Variants in ARMH3 observed in about 807,000 individuals in gnomAD.
ARMH3 encodes armadillo like helical domain containing 3, also known as armadillo-like helical domain-containing protein 3.
A neutral mutation model predicts 99.1 loss-of-function variants in ARMH3; 60 were observed. That is an observed-to-expected ratio of 0.61 (90% CI 0.49 to 0.75). The LOEUF is 0.75. ARMH3 is among the 30% of genes least tolerant of loss of function. The pLI, the probability that ARMH3 is intolerant of heterozygous loss-of-function variation, is 0.00. For missense variants in ARMH3, 679 were observed against 843.1 expected, an observed-to-expected ratio of 0.81 and a Z score of 2.41; for synonymous variants, 285 against 292.8, an observed-to-expected ratio of 0.97 and a Z score of 0.27.
At chr10:101,981,038 A>G (rs1456150312) in intron 19 of ARMH3, among the ~76,000 whole-genome samples, 1 of 151,592 alleles carries the variant, frequency 6.6e-6, no homozygotes, top group Non-Finnish European at 1.5e-5. Flanking sequence ...AGAGGGGAAC[A>G]ACACACACTA....
At chr10:101,973,354 C>T (rs563754055) in intron 20 of ARMH3, among the ~76,000 whole-genome samples, 3 of 128,992 alleles carry the variant, frequency 2.3e-5, no homozygotes, top group East Asian at 2.3e-4. Flanking sequence ...AGCGAGACTC[C>T]GTCTCAAAAA....
intron 24 of ARMH3, among the ~76,000 whole-genome samples, chr10:101,851,059 C>T (rs1032056333): frequency 3.9e-5 from 6 of 152,150 alleles, no homozygotes; most frequent in African/African-American, 9.7e-5. Context: ...TTATCCAGTG[C>T]CTGGATTGAA....
intron 24 of ARMH3, among the ~76,000 whole-genome samples, chr10:101,875,833 A>C (rs2067246797): frequency 6.6e-6 from 1 of 152,164 alleles, no homozygotes; most frequent in African/African-American, 2.4e-5. Flanking sequence ...ACCCCTTGTG[A>C]AGCTTTTTTC....
At chr10:102,031,435 T>C (rs2067128510) in intron 4 of ARMH3, among the ~76,000 whole-genome samples, 1 of 152,168 alleles carries the variant, frequency 6.6e-6, no homozygotes, top group Non-Finnish European at 1.5e-5. Context: ...TCCACTGAAA[T>C]AAAACAGTCT....
chr10:101,933,875 T>C (rs1843833749), intron 23 of ARMH3, among the ~76,000 whole-genome samples: 1 of 152,198 alleles, frequency 6.6e-6, no homozygotes, highest in Non-Finnish European at 1.5e-5. Context: ...TAGTCCACAT[T>C]TACTTTTCAC....
At chr10:102,005,298 G>C (rs1361305199) in intron 14 of ARMH3, among the ~76,000 whole-genome samples, 1 of 148,736 alleles carries the variant, frequency 6.7e-6, no homozygotes. Context: ...CATGAGAATC[G>C]CCTGAATCTG....
At chr10:102,012,915 A>G in intron 9 of ARMH3, 39 bp from the exon 10 acceptor site, 1 of 1,538,270 alleles carries the variant, frequency 6.5e-7, no homozygotes, top group Non-Finnish European at 8.9e-7. Flanking sequence ...ATAAGACAGT[A>G]GCCTTTGGGA....
chr10:101,853,656 G>A (rs1027975356), intron 24 of ARMH3, among the ~76,000 whole-genome samples: 1 of 152,174 alleles, frequency 6.6e-6, no homozygotes, highest in Admixed American at 6.5e-5. Flanking sequence ...TTCATCGGCC[G>A]TTGGGCTTGT....
intron 1 of ARMH3, among the ~76,000 whole-genome samples, chr10:102,041,053 C>T (rs2067397932): frequency 7.1e-6 from 1 of 141,038 alleles, no homozygotes; most frequent in Admixed American, 7.3e-5. Context: ...TAATATACTA[C>T]TTTCAAATTT....
chr10:102,016,051 C>T (rs1457255945), intron 8 of ARMH3, among the ~76,000 whole-genome samples: 1 of 152,214 alleles, frequency 6.6e-6, no homozygotes, highest in Non-Finnish European at 1.5e-5. Flanking sequence ...GTGAGGATCA[C>T]TTGAGTCCAG....
chr10:101,875,369 C>T (rs1299730300), intron 24 of ARMH3, among the ~76,000 whole-genome samples: 2 of 152,176 alleles, frequency 1.3e-5, no homozygotes, highest in African/African-American at 2.4e-5. Flanking sequence ...GAATCTCTCT[C>T]CAGGGTACAA....
chr10:101,947,399 T>C (rs1033606914), intron 22 of ARMH3, among the ~76,000 whole-genome samples: 5 of 150,574 alleles, frequency 3.3e-5, no homozygotes, highest in African/African-American at 9.8e-5. Context: ...ACTCAGGAGG[T>C]TGAGGCAGGA....
At chr10:101,921,495 G>T (rs1843302939) in intron 23 of ARMH3, among the ~76,000 whole-genome samples, 1 of 152,086 alleles carries the variant, frequency 6.6e-6, no homozygotes, top group Admixed American at 6.5e-5. Context: ...TTTATCCAAA[G>T]AAAAATAAAT....
At chr10:101,890,449 A>T (rs915231258) in intron 23 of ARMH3, among the ~76,000 whole-genome samples, 3 of 152,036 alleles carry the variant, frequency 2.0e-5, no homozygotes, top group African/African-American at 7.2e-5. Flanking sequence ...CGGTTTTGCC[A>T]TGTCGCCCAG....
intron 4 of ARMH3, 170 bp downstream of exon 4, chr10:102,032,856 T>C: frequency 1.5e-6 from 1 of 671,638 alleles, no homozygotes; most frequent in Non-Finnish European, 2.4e-6. Flanking sequence ...TGTCAATTTG[T>C]ATAAATAGAA....
intron 5 of ARMH3, 86 bp from the exon 6 acceptor site, chr10:102,025,334 G>T: frequency 9.7e-7 from 1 of 1,032,300 alleles, no homozygotes; most frequent in African/African-American, 1.6e-5. Flanking sequence ...ACAGGGTAAT[G>T]TGAATAACAC....
intron 23 of ARMH3, among the ~76,000 whole-genome samples, chr10:101,900,469 A>AACTGATCT (rs1401456410): frequency 3.3e-5 from 5 of 152,204 alleles, no homozygotes; most frequent in African/African-American, 1.2e-4. Flanking sequence ...AAACCCCCAA[A>AACTGATCT]ACTGATCTAA....
At chr10:102,026,190 GA>G (rs1386882433) in intron 5 of ARMH3, among the ~76,000 whole-genome samples, 12 of 152,032 alleles carry the variant, frequency 7.9e-5, no homozygotes, top group African/African-American at 2.9e-4. Context: ...AAGATGAAAA[GA>G]AATATTCTAC....
chr10:101,876,936 G>T (rs532490853), intron 24 of ARMH3, among the ~76,000 whole-genome samples: 1 of 152,066 alleles, frequency 6.6e-6, no homozygotes, highest in Non-Finnish European at 1.5e-5. Flanking sequence ...GGCCAGGTGC[G>T]GTGGCTCACA....
Sources: gnomAD v4.1 joint callset for allele counts (sites outside exome capture counted in the v4.1 genomes callset) on GRCh38, gnomAD v4.1.1 for gene constraint, MANE v1.5 for transcripts, NCBI Gene and HGNC (gene_info 2026-07-23, HGNC 2026-07-21) for gene names.